LRP1B: variants seen among roughly 807,000 people sequenced by gnomAD.
LRP1B encodes the protein low-density lipoprotein receptor-related protein 1B.
In LRP1B, 217 loss-of-function variants were observed where a neutral mutation model predicts 556.6. That is an observed-to-expected ratio of 0.39 (90% CI 0.35 to 0.44). LRP1B has a LOEUF of 0.44. Among genes scored for constraint, LRP1B ranks in the 20% least tolerant of loss-of-function variants. The pLI, the probability that LRP1B is intolerant of heterozygous loss-of-function variation, is 1.00. For missense variants in LRP1B, 5,053 were observed against 5,620.8 expected (o/e 0.90, Z 3.23); for synonymous variants, 2,047 against 1,865.8 (o/e 1.10, Z -2.50).
chr2:140,776,038 A>C, intron 33 of LRP1B, 60 bp downstream of exon 33: 1 of 1,313,250 alleles, frequency 7.6e-7, no homozygotes, highest in Non-Finnish European at 1.0e-6. Context: ...TGAGGAGCTA[A>C]TATAAAAAAG....
At chr2:141,103,970 C>A (rs1051427269) in intron 7 of LRP1B, among the ~76,000 whole-genome samples, 1 of 151,862 alleles carries the variant, frequency 6.6e-6, no homozygotes, top group Non-Finnish European at 1.5e-5. Flanking sequence ...ATGTTTTTCA[C>A]GTTCGACATA....
intron 2 of LRP1B, among the ~76,000 whole-genome samples, chr2:141,673,845 T>C (rs562718245): frequency 6.6e-6 from 1 of 152,196 alleles, no homozygotes; most frequent in South Asian, 2.1e-4. Context: ...TTAAAATTTT[T>C]AATCACTATG....
At chr2:141,058,706 T>C (rs1699253852) in intron 9 of LRP1B, among the ~76,000 whole-genome samples, 177 bp downstream of exon 9, 1 of 151,870 alleles carries the variant, frequency 6.6e-6, no homozygotes, top group Non-Finnish European at 1.5e-5. Context: ...AACTGAACAA[T>C]CTGTCATTTA....
At chr2:141,903,169 G>A (rs899868788) in intron 1 of LRP1B, among the ~76,000 whole-genome samples, 2 of 150,826 alleles carry the variant, frequency 1.3e-5, no homozygotes, top group Non-Finnish European at 3.0e-5. Flanking sequence ...CTACTTTAAT[G>A]ATACATTTTA....
chr2:141,738,175 T>C (rs962937385), intron 2 of LRP1B, among the ~76,000 whole-genome samples: 1 of 152,142 alleles, frequency 6.6e-6, no homozygotes, highest in Non-Finnish European at 1.5e-5. Context: ...TTCTATAATA[T>C]TAGCCCATAT....
chr2:141,439,155 C>T (rs1431338061), intron 3 of LRP1B, among the ~76,000 whole-genome samples: 1 of 152,044 alleles, frequency 6.6e-6, no homozygotes, highest in African/African-American at 2.4e-5. Flanking sequence ...GCCTTAAGAG[C>T]GAAGTGAATT....
chr2:141,462,202 A>C (rs1161239840), intron 3 of LRP1B, among the ~76,000 whole-genome samples: 1 of 152,168 alleles, frequency 6.6e-6, no homozygotes, highest in Admixed American at 6.5e-5. Flanking sequence ...TAGCCCATCA[A>C]TTGTGATTAC....
At chr2:140,526,655 G>A (rs1260813239) in intron 47 of LRP1B, among the ~76,000 whole-genome samples, 1 of 140,646 alleles carries the variant, frequency 7.1e-6, no homozygotes, top group East Asian at 2.1e-4. Flanking sequence ...ACCATGCTGT[G>A]TTGATATCAT....
intron 1 of LRP1B, among the ~76,000 whole-genome samples, chr2:141,945,119 C>G (rs991875191): frequency 1.3e-5 from 2 of 152,100 alleles, no homozygotes; most frequent in Non-Finnish European, 2.9e-5. Flanking sequence ...GTTTTTGGAG[C>G]AGACAACAGT....
chr2:141,777,813 T>C (rs781694597), intron 2 of LRP1B, among the ~76,000 whole-genome samples: 25 of 152,180 alleles, frequency 1.6e-4, no homozygotes, highest in African/African-American at 2.4e-4. Flanking sequence ...GCTTGACTAT[T>C]GAGGCTAAAG....
At chr2:141,458,430 C>T (rs75366270) in intron 3 of LRP1B, among the ~76,000 whole-genome samples, 2,115 of 152,176 alleles carry the variant, frequency 0.014, 55 homozygotes, top group African/African-American at 0.048. Context: ...ATTTTGGCAA[C>T]GTATTTAGCC....
intron 1 of LRP1B, among the ~76,000 whole-genome samples, chr2:141,881,047 T>C (rs1698942956): frequency 6.6e-6 from 1 of 152,114 alleles, no homozygotes; most frequent in African/African-American, 2.4e-5. Context: ...CCGAGCATTC[T>C]TCTTGGCTTT....
intron 3 of LRP1B, among the ~76,000 whole-genome samples, chr2:141,445,297 G>A (rs1681144813): frequency 6.6e-6 from 1 of 152,006 alleles, no homozygotes; most frequent in Non-Finnish European, 1.5e-5. Flanking sequence ...TTTTTATTGT[G>A]TCTATTTGAT....
intron 6 of LRP1B, among the ~76,000 whole-genome samples, chr2:141,208,550 C>G (rs992276166): frequency 3.3e-5 from 5 of 152,044 alleles, no homozygotes; most frequent in African/African-American, 1.2e-4. Context: ...GGTTTAGCCA[C>G]AGATGCAGTA....
In LRP1B at chr2:140,702,124, A is replaced by AT. The variant is rs1410381154; in HGVS notation, c.6302+16dup. On this transcript the variant is annotated intron_variant, in intron 39 of 90. Transcript: ENST00000389484. ...ATAACATTTTGAGACTCAAATACTTATGAAAAAATAAATTACCTGTCAGAC... is the reference window on the plus strand; with the variant it reads ...ATAACATTTTGAGACTCAAATACTTATTGAAAAAATAAATTACCTGTCAGAC... 8 of 1,610,488 alleles carry AT rather than the reference A, an allele frequency of 5.0e-6. No individual in the cohort carries two copies. Among genetic ancestry groups the AT allele is most frequent in the Non-Finnish European group, 6.8e-6 (8 of 1,178,346 alleles).
At chr2:141,071,402 CT>C (rs1289457692) in intron 7 of LRP1B, among the ~76,000 whole-genome samples, 4 of 151,938 alleles carry the variant, frequency 2.6e-5, no homozygotes, top group African/African-American at 9.7e-5. Flanking sequence ...CAATATCATA[CT>C]GAATGGGCAA....
chr2:140,318,969 T>TTGATGTTATATAGAATAAA (rs1404240557), intron 82 of LRP1B, among the ~76,000 whole-genome samples: 2 of 152,110 alleles, frequency 1.3e-5, no homozygotes, highest in Non-Finnish European at 2.9e-5. Flanking sequence ...TATTGTTAAT[T>TTGATGTTATATAGAATAAA]TGATGTTATA....
intron 2 of LRP1B, among the ~76,000 whole-genome samples, chr2:141,537,245 A>G (rs1685097438): frequency 6.6e-6 from 1 of 152,110 alleles, no homozygotes; most frequent in Non-Finnish European, 1.5e-5. Flanking sequence ...AGGAAAATAT[A>G]TGCATTAAGA....
intron 1 of LRP1B, among the ~76,000 whole-genome samples, chr2:141,937,649 C>A (rs565469099): frequency 7.3e-5 from 11 of 151,162 alleles, no homozygotes; most frequent in East Asian, 5.8e-4. Flanking sequence ...ATAAAAAAAA[C>A]CATGGTGCAC....
Sources: allele counts gnomAD v4.1 joint callset (sites outside exome capture counted in the v4.1 genomes callset), GRCh38; gene constraint gnomAD v4.1.1; transcripts MANE v1.5; gene names NCBI Gene and HGNC (gene_info 2026-07-23, HGNC 2026-07-21).